THSD7B: variants seen among roughly 807,000 people sequenced by gnomAD.
THSD7B encodes thrombospondin type 1 domain containing 7B, also known as thrombospondin type-1 domain-containing protein 7B.
A neutral mutation model predicts 213.6 loss-of-function variants in THSD7B; 138 were observed. That is an observed-to-expected ratio of 0.65 (90% CI 0.56 to 0.74). The LOEUF is 0.74. THSD7B is among the 30% of genes least tolerant of loss of function. THSD7B has a pLI of 0.00. For missense variants in THSD7B, 1,931 were observed against 1,991.5 expected, an observed-to-expected ratio of 0.97 and a Z score of 0.58; for synonymous variants, 742 against 687.0, an observed-to-expected ratio of 1.08 and a Z score of -1.25.
At chr2:137,136,362 A>G (rs1156315459) in intron 5 of THSD7B, among the ~76,000 whole-genome samples, 1 of 152,204 alleles carries the variant, frequency 6.6e-6, no homozygotes, top group Non-Finnish European at 1.5e-5. Context: ...TTCACAAACA[A>G]GGAGAAATAT....
intron 7 of THSD7B, among the ~76,000 whole-genome samples, chr2:137,190,461 A>G (rs1054131609): frequency 2.0e-5 from 3 of 152,136 alleles, no homozygotes; most frequent in Admixed American, 6.5e-5. Flanking sequence ...GGTTGGGAGC[A>G]TGGGATTGCC....
At chr2:136,876,485 T>C (rs1426588919) in intron 1 of THSD7B, among the ~76,000 whole-genome samples, 1 of 152,212 alleles carries the variant, frequency 6.6e-6, no homozygotes, top group East Asian at 1.9e-4. Flanking sequence ...TGTGGTGTGG[T>C]GTGTATGTGT....
intron 17 of THSD7B, among the ~76,000 whole-genome samples, chr2:137,613,692 A>G (rs1333522550): frequency 6.6e-6 from 1 of 152,142 alleles, no homozygotes; most frequent in Non-Finnish European, 1.5e-5. Context: ...AATTGACAAT[A>G]TGTCTTTATA....
chr2:137,564,812 C>G (rs1681201417), intron 16 of THSD7B, among the ~76,000 whole-genome samples: 1 of 152,114 alleles, frequency 6.6e-6, no homozygotes, highest in Admixed American at 6.6e-5. Context: ...ATAATACAAA[C>G]AGTATAATAA....
At chr2:137,290,794 G>C (rs996353161) in intron 12 of THSD7B, among the ~76,000 whole-genome samples, 8 of 152,022 alleles carry the variant, frequency 5.3e-5, no homozygotes, top group Admixed American at 5.2e-4. Context: ...CATCTCCACT[G>C]ATCCATTAAC....
At chr2:136,863,385 A>G (rs1683284520) in intron 1 of THSD7B, among the ~76,000 whole-genome samples, 1 of 152,200 alleles carries the variant, frequency 6.6e-6, no homozygotes, top group Admixed American at 6.5e-5. Context: ...GATTCTGTTC[A>G]CTGTGATACT....
chr2:137,449,963 T>C (rs1687615667), intron 14 of THSD7B, among the ~76,000 whole-genome samples: 1 of 152,032 alleles, frequency 6.6e-6, no homozygotes, highest in African/African-American at 2.4e-5. Context: ...TACAGGCATG[T>C]ACAACAGGAT....
intron 2 of THSD7B, among the ~76,000 whole-genome samples, chr2:136,903,300 G>A (rs574407934): frequency 2.6e-5 from 4 of 152,268 alleles, no homozygotes; most frequent in Admixed American, 2.6e-4. Context: ...TCTAGCTGAG[G>A]AAAAGGAGTA....
intron 2 of THSD7B, among the ~76,000 whole-genome samples, chr2:137,029,379 A>G (rs1477591040): frequency 2.6e-5 from 4 of 152,102 alleles, no homozygotes; most frequent in Non-Finnish European, 4.4e-5. Flanking sequence ...GCCTGTAAGC[A>G]TTGTTCTAAT....
intron 7 of THSD7B, among the ~76,000 whole-genome samples, chr2:137,212,997 T>C (rs1366117199): frequency 6.7e-6 from 1 of 149,800 alleles, no homozygotes; most frequent in African/African-American, 2.5e-5. Flanking sequence ...CAACAAAAAT[T>C]GTTCTAAATT....
intron 10 of THSD7B, among the ~76,000 whole-genome samples, chr2:137,264,831 TTTATTA>T (rs1222532848): frequency 7.3e-4 from 110 of 151,708 alleles, no homozygotes; most frequent in Middle Eastern, 3.4e-3. Flanking sequence ...TTATTTTTTA[TTTATTA>T]TTATTATACT....
intron 15 of THSD7B, among the ~76,000 whole-genome samples, chr2:137,550,031 G>A (rs1000586370): frequency 6.6e-6 from 1 of 152,038 alleles, no homozygotes; most frequent in East Asian, 1.9e-4. Context: ...AATCCCATCT[G>A]ATTTCTTGCC....
At chr2:137,427,225 A>G (rs1297797849) in intron 14 of THSD7B, among the ~76,000 whole-genome samples, 1 of 152,196 alleles carries the variant, frequency 6.6e-6, no homozygotes, top group African/African-American at 2.4e-5. Flanking sequence ...TATGGAAAAC[A>G]GTATGGAGTT....
In THSD7B at chr2:137,382,585, C is replaced by A. The variant is rs72977645; in HGVS notation, c.2501-23028C>A. ...ACCCTTCAGGCTTGTGAGAGTATGG[C>A]AGGATGGGCTGCAGTCATCATGCAG... On this transcript the variant is annotated intron_variant, in intron 12 of 27. Coordinates refer to ENST00000409968, the MANE Select transcript of THSD7B (RefSeq NM_001316349.2). 7.3e-3 allele frequency among the ~76,000 whole-genome samples: 1,109 copies of A among 152,316 alleles called. 21 individuals carry two copies. Among genetic ancestry groups the A allele is most frequent in the African/African-American group, 0.025 (1,058 of 41,566 alleles).
At chr2:137,155,793 G>A (rs1679899874) in intron 5 of THSD7B, among the ~76,000 whole-genome samples, 1 of 152,194 alleles carries the variant, frequency 6.6e-6, no homozygotes, top group South Asian at 2.1e-4. Flanking sequence ...GGTTTAAAGT[G>A]TTAAATTTAT....
At chr2:137,578,378 C>T (rs1461822678) in intron 17 of THSD7B, among the ~76,000 whole-genome samples, 1 of 152,214 alleles carries the variant, frequency 6.6e-6, no homozygotes, top group African/African-American at 2.4e-5. Context: ...AGAATGACTT[C>T]TGAGAATCTG....
At chr2:137,563,502 T>G in intron 16 of THSD7B, 148 bp downstream of exon 16, 1 of 1,123,392 alleles carries the variant, frequency 8.9e-7, no homozygotes, top group Middle Eastern at 2.4e-4. Context: ...TTCATTGAAA[T>G]AAGTGCATCC....
At chr2:137,043,344 A>T (rs1269954782) in intron 2 of THSD7B, among the ~76,000 whole-genome samples, 4 of 151,486 alleles carry the variant, frequency 2.6e-5, no homozygotes, top group African/African-American at 9.7e-5. Context: ...CTGGCTGGAG[A>T]CTCTCTCTAG....
At chr2:137,382,181 GA>G (rs1685792921) in intron 12 of THSD7B, among the ~76,000 whole-genome samples, 1 of 152,134 alleles carries the variant, frequency 6.6e-6, no homozygotes. Context: ...GGGCAACAAT[GA>G]ACTTTCACAG....
Sources: gnomAD v4.1 joint callset for allele counts (sites outside exome capture counted in the v4.1 genomes callset) on GRCh38, gnomAD v4.1.1 for gene constraint, MANE v1.5 for transcripts, NCBI Gene and HGNC (gene_info 2026-07-23, HGNC 2026-07-21) for gene names.